Variants in ZNF609 observed in about 807,000 individuals in gnomAD.
ZNF609 encodes the protein zinc finger protein 609.
In ZNF609, 11 loss-of-function variants were observed where a neutral mutation model predicts 109.5. The observed-to-expected ratio is 0.10, with a 90% CI of 0.06 to 0.17. ZNF609 has a LOEUF of 0.17. Among genes scored for constraint, ZNF609 ranks in the 10% least tolerant of loss-of-function variants. The probability of loss-of-function intolerance (pLI) is 1.00; values close to 1 mark genes in which losing one functional copy is unlikely to be tolerated. For missense variants in ZNF609, 1,559 were observed against 1,772.4 expected (o/e 0.88, Z 2.16); for synonymous variants, 646 against 662.0 (o/e 0.98, Z 0.37).
intron 2 of ZNF609, among the ~76,000 whole-genome samples, chr15:64,578,734 C>A (rs1276009998): frequency 3.3e-5 from 5 of 152,138 alleles, no homozygotes; most frequent in African/African-American, 1.2e-4. Context: ...CATGGTGGCT[C>A]AGGCCTGTAA....
intron 3 of ZNF609, among the ~76,000 whole-genome samples, chr15:64,634,920 C>A (rs757749613): frequency 6.6e-6 from 1 of 152,142 alleles, no homozygotes; most frequent in Non-Finnish European, 1.5e-5. Flanking sequence ...CACATTCCCA[C>A]CTAGCAGCTT....
Position 64,674,074 on chromosome 15 carries a change from G to A in ZNF609, c.1220G>A (p.Ser407Asn). 1 of 1,614,186 alleles carries A rather than the reference G, an allele frequency of 6.2e-7. No individual in the cohort carries two copies. Among genetic ancestry groups the A allele is most frequent in the Non-Finnish European group, 8.5e-7 (1 of 1,180,042 alleles). ...AGCAAAACCCGGGCAGGAGCCAATAGCAAAGGCCGTCGGGGCAGCCAGAAT... is the reference window on the plus strand; with the variant it reads ...AGCAAAACCCGGGCAGGAGCCAATAACAAAGGCCGTCGGGGCAGCCAGAAT... Reference protein sequence around the residue: ...NSSKTRAGANSKGRRGSQNSS... With the variant: ...NSSKTRAGANNKGRRGSQNSS... Residue 407 changes from serine (S) to asparagine (N), a missense_variant, in exon 5 of 10, where the codon AGC (serine) becomes AAC (asparagine). Physicochemically the swap from Ser to Asn is conservative, Grantham distance 46. Transcript: ENST00000326648.
chr15:64,680,914 A>T, intron 8 of ZNF609, 52 bp downstream of exon 8: 3 of 1,589,550 alleles, frequency 1.9e-6, no homozygotes, highest in Non-Finnish European at 2.6e-6. Flanking sequence ...TGTTTTGTTT[A>T]TCTTCATCCC....
intron 1 of ZNF609, among the ~76,000 whole-genome samples, chr15:64,461,768 T>C (rs907533217): frequency 2.6e-5 from 4 of 152,136 alleles, no homozygotes; most frequent in African/African-American, 9.7e-5. Flanking sequence ...GAAGAAAGCC[T>C]GTCTGTTTCC....
chr15:64,588,507 T>C (rs1895240434), intron 2 of ZNF609, among the ~76,000 whole-genome samples: 1 of 150,828 alleles, frequency 6.6e-6, no homozygotes, highest in Non-Finnish European at 1.5e-5. Flanking sequence ...CTTGTTTTCT[T>C]GTTTTTTGTT....
intron 2 of ZNF609, among the ~76,000 whole-genome samples, chr15:64,503,499 G>A (rs1325777033): frequency 6.6e-6 from 1 of 152,116 alleles, no homozygotes; most frequent in Non-Finnish European, 1.5e-5. Flanking sequence ...TGCTTATGTC[G>A]CCACTCTGAC....
intron 2 of ZNF609, among the ~76,000 whole-genome samples, chr15:64,588,412 A>AGCG (rs1192144921): frequency 1.6e-5 from 2 of 125,306 alleles, no homozygotes; most frequent in East Asian, 4.2e-4. Context: ...TGCGTAACAG[A>AGCG]GCGACACTCT....
intron 2 of ZNF609, among the ~76,000 whole-genome samples, chr15:64,518,134 A>C (rs151033393): frequency 2.6e-5 from 4 of 152,308 alleles, no homozygotes; most frequent in East Asian, 3.9e-4. Flanking sequence ...ATTATAACAA[A>C]CTTTGATGAG....
At chr15:64,481,535 GTC>G (rs936842997) in intron 1 of ZNF609, among the ~76,000 whole-genome samples, 3 of 151,842 alleles carry the variant, frequency 2.0e-5, no homozygotes, top group African/African-American at 7.3e-5. Flanking sequence ...GGTCAGGCTG[GTC>G]TCGAACTCCC....
chr15:64,670,616 C>A lies in ZNF609; in HGVS notation c.1061+183C>A, dbSNP rs575839881. 2.7e-4 allele frequency among the ~76,000 whole-genome samples: 41 copies of A among 152,280 alleles called. No individual in the cohort carries two copies. The South Asian group carries it at 8.5e-3, about 32-fold the overall frequency. On this transcript the variant is annotated intron_variant, in intron 4 of 9. Transcript: ENST00000326648. ...CTGAATGGCCAGGCGCGGTGGCTCACGCCTGTAATCCCAGCACTTTGGGAG... is the reference window on the plus strand; with the variant it reads ...CTGAATGGCCAGGCGCGGTGGCTCAAGCCTGTAATCCCAGCACTTTGGGAG...
At chr15:64,665,219 G>A (rs1456819827) in intron 3 of ZNF609, among the ~76,000 whole-genome samples, 2 of 152,152 alleles carry the variant, frequency 1.3e-5, no homozygotes, top group Non-Finnish European at 2.9e-5. Flanking sequence ...GTATGTGTAT[G>A]TGTCTTTTAT....
At chr15:64,678,574 G>T in intron 6 of ZNF609, 92 bp downstream of exon 6, 1 of 1,495,052 alleles carries the variant, frequency 6.7e-7, no homozygotes, top group Non-Finnish European at 8.9e-7. Flanking sequence ...CAGCCCCAAG[G>T]CATATTGAGG....
At chr15:64,677,394 G>T (rs1896823595) in intron 5 of ZNF609, among the ~76,000 whole-genome samples, 1 of 152,060 alleles carries the variant, frequency 6.6e-6, no homozygotes, top group Non-Finnish European at 1.5e-5. Context: ...TTTTCCATTT[G>T]ACAGGAAAGG....
intron 2 of ZNF609, among the ~76,000 whole-genome samples, chr15:64,522,769 A>G (rs1893910569): frequency 6.6e-6 from 1 of 152,180 alleles, no homozygotes; most frequent in Non-Finnish European, 1.5e-5. Flanking sequence ...TGAGATTTCT[A>G]GTTGTATAAA....
At chr15:64,524,035 T>C (rs1209753667) in intron 2 of ZNF609, among the ~76,000 whole-genome samples, 1 of 151,860 alleles carries the variant, frequency 6.6e-6, no homozygotes, top group Non-Finnish European at 1.5e-5. Context: ...CCTCATACAG[T>C]TTTTTTAAAA....
At chr15:64,586,489 C>G (rs1895199417) in intron 2 of ZNF609, among the ~76,000 whole-genome samples, 1 of 152,136 alleles carries the variant, frequency 6.6e-6, no homozygotes, top group African/African-American at 2.4e-5. Context: ...CACCTGAGCT[C>G]TGCCTCCTGT....
intron 2 of ZNF609, among the ~76,000 whole-genome samples, chr15:64,603,324 G>A (rs1895535910): frequency 6.7e-6 from 1 of 148,624 alleles, no homozygotes; most frequent in African/African-American, 2.5e-5. Flanking sequence ...AGGCTGGAGT[G>A]CAGTGGCATG....
chr15:64,475,223 G>A (rs1287226461), intron 1 of ZNF609, among the ~76,000 whole-genome samples: 2 of 147,914 alleles, frequency 1.4e-5, no homozygotes, highest in African/African-American at 5.0e-5. Context: ...TCCCAGGACA[G>A]TTAACTCCCA....
chr15:64,610,488 CAAA>C (rs1420161115), intron 2 of ZNF609, among the ~76,000 whole-genome samples: 1 of 151,972 alleles, frequency 6.6e-6, no homozygotes, highest in African/African-American at 2.4e-5. Flanking sequence ...AAGTTAACAA[CAAA>C]AACAACAAAT....
Sources: allele counts gnomAD v4.1 joint callset (sites outside exome capture counted in the v4.1 genomes callset), GRCh38; gene constraint gnomAD v4.1.1; transcripts MANE v1.5; gene names NCBI Gene and HGNC (gene_info 2026-07-23, HGNC 2026-07-21).